The following STK3 variants were observed in gnomAD, a reference collection of about 807,000 sequenced individuals.
STK3 encodes the protein serine/threonine kinase 3.
STK3 carries 41 observed loss-of-function variants against 58.0 expected under a neutral mutation model. The observed-to-expected ratio is 0.71, with a 90% CI of 0.55 to 0.92. The LOEUF (loss-of-function observed/expected upper bound fraction) is 0.92. STK3 is among the 40% of genes least tolerant of loss of function. The probability of loss-of-function intolerance (pLI) is 0.00; values close to 1 mark genes in which losing one functional copy is unlikely to be tolerated. For synonymous variants in STK3, 170 were observed against 191.0 expected (o/e 0.89, Z 0.91); for missense variants, 479 against 602.7 (o/e 0.79, Z 2.15).
At chr8:98,598,099 C>T in intron 6 of STK3, 1 of 985,316 alleles carries the variant, frequency 1.0e-6, no homozygotes, top group East Asian at 1.1e-4. Context: ...ATAGACTGAC[C>T]TCAAACTGCA....
At chr8:98,733,170 T>C (rs528228192) in intron 4 of STK3, among the ~76,000 whole-genome samples, 1 of 152,318 alleles carries the variant, frequency 6.6e-6, no homozygotes, top group South Asian at 2.1e-4. Context: ...CAATATTTAC[T>C]GAGCACCCAT....
At chr8:98,376,135 C>T (rs563019461) in intron 2 of STK3, among the ~76,000 whole-genome samples, 8 of 152,264 alleles carry the variant, frequency 5.3e-5, no homozygotes, top group Non-Finnish European at 1.0e-4. Context: ...GTAGTGGTAT[C>T]TTGTAGTGGT....
chr8:98,703,612 T>C (rs1825767983), intron 6 of STK3, among the ~76,000 whole-genome samples: 1 of 152,008 alleles, frequency 6.6e-6, no homozygotes, highest in East Asian at 1.9e-4. Flanking sequence ...TTCCTTACAC[T>C]CTCTCTTTTC....
chr8:98,742,939 GACAA>G (rs1364641912), intron 4 of STK3, among the ~76,000 whole-genome samples: 34 of 151,810 alleles, frequency 2.2e-4, no homozygotes, highest in African/African-American at 8.0e-4. Flanking sequence ...ACCAATAACA[GACAA>G]ACAGAGAGCC....
chr8:98,601,900 T>C (rs1816382888), intron 6 of STK3, among the ~76,000 whole-genome samples: 1 of 152,172 alleles, frequency 6.6e-6, no homozygotes, highest in Admixed American at 6.5e-5. Context: ...AAATACTAAC[T>C]GGATCACATC....
chr8:98,592,012 C>T (rs187239803), intron 7 of STK3, among the ~76,000 whole-genome samples: 2 of 152,216 alleles, frequency 1.3e-5, no homozygotes, highest in East Asian at 3.9e-4. Flanking sequence ...TCTATTTTGG[C>T]AACTATTTTT....
chr8:98,794,457 A>T (rs1421314731), intron 1 of STK3, among the ~76,000 whole-genome samples: 2 of 152,206 alleles, frequency 1.3e-5, no homozygotes, highest in Non-Finnish European at 2.9e-5. Flanking sequence ...CAATCTCCCA[A>T]GATTGAATCA....
intron 6 of STK3, among the ~76,000 whole-genome samples, chr8:98,606,502 G>T (rs1350731336): frequency 1.3e-5 from 2 of 152,160 alleles, no homozygotes; most frequent in African/African-American, 2.4e-5. Context: ...GAAGCCCCTA[G>T]ATAGCTTCAG....
chr8:98,883,665 T>C (rs1424444864), downstream of STK3: 5 of 702,858 alleles, frequency 7.1e-6, no homozygotes, highest in Non-Finnish European at 1.3e-5. Flanking sequence ...CTTGTTTTCT[T>C]CTCCTTGTGT....
chr8:98,736,543 T>C (rs937296200), intron 4 of STK3, among the ~76,000 whole-genome samples: 1 of 152,216 alleles, frequency 6.6e-6, no homozygotes. Flanking sequence ...TTAAAAGACA[T>C]GTAACTTAAT....
intron 9 of STK3, among the ~76,000 whole-genome samples, chr8:98,543,482 G>A (rs963540173): frequency 6.6e-6 from 1 of 152,092 alleles, no homozygotes; most frequent in African/African-American, 2.4e-5. Flanking sequence ...ATCATGAGAA[G>A]AGAATAGGGA....
intron 3 of STK3, among the ~76,000 whole-genome samples, chr8:98,832,858 A>G (rs2131787123): frequency 6.6e-6 from 1 of 152,336 alleles, no homozygotes; most frequent in Non-Finnish European, 1.5e-5. Flanking sequence ...AGACATGACA[A>G]TGCCCAGCAC....
Position 98,714,258 on chromosome 8 carries a change from T to C in STK3, c.352-6947A>G, listed in dbSNP as rs185786183. On this transcript the variant is annotated intron_variant, in intron 4 of 10. Transcript: ENST00000419617. ...CCTCTCTCACCGCTCCTATTCAACA[T>C]AGTGTTGAAAGTTCTGGTCAGGGCA... Among the ~76,000 whole-genome samples the C allele has an allele frequency of 9.2e-3, 1,403 of 152,228 alleles. 15 individuals carry two copies. The highest frequency in any genetic ancestry group is 0.032 in the African/African-American group (1,325 of 41,526).
At chr8:98,820,760 G>A (rs1168049470) in intron 1 of STK3, among the ~76,000 whole-genome samples, 4 of 152,150 alleles carry the variant, frequency 2.6e-5, no homozygotes, top group Non-Finnish European at 5.9e-5. Flanking sequence ...GGTGGATCAC[G>A]AGGTCATGAG....
chr8:98,501,993 AGCAGTATG>A (rs1823641651), intron 10 of STK3, among the ~76,000 whole-genome samples: 1 of 152,054 alleles, frequency 6.6e-6, no homozygotes, highest in South Asian at 2.1e-4. Context: ...AATTACTTTG[AGCAGTATG>A]GCCATTTTCA....
intron 9 of STK3, among the ~76,000 whole-genome samples, chr8:98,541,938 T>A (rs1391154238): frequency 1.3e-5 from 2 of 152,214 alleles, no homozygotes; most frequent in Non-Finnish European, 2.9e-5. Context: ...AAGAGGGACA[T>A]TGAGCTCACT....
intron 3 of STK3, among the ~76,000 whole-genome samples, chr8:98,763,840 T>C (rs1300083660): frequency 1.3e-5 from 2 of 152,118 alleles, no homozygotes; most frequent in South Asian, 2.1e-4. Flanking sequence ...GTCCAGCTAA[T>C]TTTTATATCT....
At chr8:98,591,413 T>C (rs376526085) in intron 7 of STK3, among the ~76,000 whole-genome samples, 253 of 152,372 alleles carry the variant, frequency 1.7e-3, no homozygotes, top group African/African-American at 5.8e-3. Flanking sequence ...TAACACCTTT[T>C]TGACTTACAA....
At chr8:98,373,609 C>T (rs1046607125) in intron 2 of STK3, among the ~76,000 whole-genome samples, 1 of 152,158 alleles carries the variant, frequency 6.6e-6, no homozygotes, top group Non-Finnish European at 1.5e-5. Context: ...TGTAATGGAC[C>T]CAGGACTGAA....
Sources: gnomAD v4.1 joint callset for allele counts (sites outside exome capture counted in the v4.1 genomes callset) on GRCh38, gnomAD v4.1.1 for gene constraint, MANE v1.5 for transcripts, NCBI Gene and HGNC (gene_info 2026-07-23, HGNC 2026-07-21) for gene names.